Variants in NRG4 observed in about 807,000 individuals in gnomAD.
NRG4 encodes the protein neuregulin 4, also known as pro-neuregulin-4, membrane-bound isoform.
A neutral mutation model predicts 15.0 loss-of-function variants in NRG4; 10 were observed. The observed-to-expected ratio is 0.67, with a 90% CI of 0.41 to 1.13. The LOEUF is 1.13. NRG4 is among the 50% of genes most tolerant of loss of function. The pLI is 0.00. For missense variants in NRG4, 139 were observed against 140.2 expected (o/e 0.99, Z 0.04); for synonymous variants, 41 against 50.1 (o/e 0.82, Z 0.77).
At chr15:75,976,655 G>A (rs149195716) in intron 3 of NRG4, among the ~76,000 whole-genome samples, 2,870 of 152,270 alleles carry the variant, frequency 0.019, 106 homozygotes, top group African/African-American at 0.066. Flanking sequence ...TATCACCAGC[G>A]GAGGCTGCAG....
At chr15:76,027,131 T>C (rs1015011860) in intron 5 of NRG4, among the ~76,000 whole-genome samples, 4 of 151,314 alleles carry the variant, frequency 2.6e-5, no homozygotes, top group African/African-American at 9.7e-5. Flanking sequence ...AAAAATAAAA[T>C]AAAATAAAAT....
chr15:75,985,750 TTA>T (rs1296247248), intron 3 of NRG4, among the ~76,000 whole-genome samples: 1 of 152,056 alleles, frequency 6.6e-6, no homozygotes, highest in Non-Finnish European at 1.5e-5. Context: ...AAAAATCAAA[TTA>T]TAAGTCAACA....
In NRG4 at chr15:75,943,648, T is replaced by C. The variant is rs1166612837; in HGVS notation, c.338A>G (p.Glu113Gly). ...CACTTTGACGTTTCTTCAGTGTTGTTCATGACCTGTGAAAAATAAGTAAGA... is the reference window on the plus strand; with the variant it reads ...CACTTTGACGTTTCTTCAGTGTTGTCCATGACCTGTGAAAAATAAGTAAGA... ...TSSTSAHHSH[E>G]QH The change falls in exon 6 of 6, where the codon GAA (glutamate) becomes GGA (glycine). Residue 113 changes from glutamate (E) to glycine (G), a missense_variant. Transcript: ENST00000394907. 6.3e-7 allele frequency: 1 copy of C among 1,574,912 alleles called. No homozygotes were observed. Among genetic ancestry groups the C allele is most frequent in the Non-Finnish European group, 8.7e-7 (1 of 1,146,200 alleles).
chr15:75,989,546 T>TATGG (rs1009426676), intron 3 of NRG4, among the ~76,000 whole-genome samples: 3 of 152,222 alleles, frequency 2.0e-5, no homozygotes, highest in Non-Finnish European at 4.4e-5. Flanking sequence ...TTTTTATTGC[T>TATGG]ATGGCATTAA....
chr15:75,968,876 C>A (rs1280135358), intron 3 of NRG4, among the ~76,000 whole-genome samples: 1 of 152,104 alleles, frequency 6.6e-6, no homozygotes, highest in Non-Finnish European at 1.5e-5. Context: ...AGTATCTATA[C>A]ATAGAAATTG....
intron 5 of NRG4, among the ~76,000 whole-genome samples, chr15:76,023,585 C>G (rs2035224534): frequency 6.6e-6 from 1 of 152,172 alleles, no homozygotes; most frequent in Non-Finnish European, 1.5e-5. Flanking sequence ...CCCCAACCCC[C>G]ACCTATCCTG....
Position 75,942,271 on chromosome 15 carries a change from CAT to C in NRG4, c.*1365_*1366del, listed in dbSNP as rs1362450844. ...ATATATTGGTCAAAATCCATAAAGA[CAT>C]ACAACAAAAAGAGGACCCTTCATGT... On this transcript the variant is annotated 3_prime_UTR_variant, in exon 6 of 6. Transcript: ENST00000394907. 1 of 151,994 alleles carries C rather than the reference CAT, an allele frequency of 6.6e-6. No homozygotes were observed. Among genetic ancestry groups the C allele is most frequent in the Middle Eastern group, 3.2e-3 (1 of 316 alleles). The allele number at this position is 151,994 out of a possible 1,614,324, so 9.4% of individuals were successfully genotyped here.
chr15:76,040,314 T>C (rs1042799476), intron 4 of NRG4, among the ~76,000 whole-genome samples: 3 of 152,128 alleles, frequency 2.0e-5, no homozygotes, highest in Admixed American at 6.5e-5. Flanking sequence ...AATAGTATAA[T>C]GTATCCAGCA....
intron 5 of NRG4, among the ~76,000 whole-genome samples, chr15:76,029,358 T>A (rs911411409): frequency 6.6e-6 from 1 of 152,008 alleles, no homozygotes; most frequent in South Asian, 2.1e-4. Flanking sequence ...CCAGATGGAC[T>A]GGAAGAAGAC....
chr15:75,982,903 T>A lies in NRG4; in HGVS notation c.105-20929A>T, dbSNP rs73449065. On this transcript the variant is annotated intron_variant, in intron 3 of 5. Transcript: ENST00000394907. ...CTCAGAACAAATTTAAAACAGACCA[T>A]CTAAAAACAAAACATCTGAACAGAC... 8.8e-3 allele frequency among the ~76,000 whole-genome samples: 1,342 copies of A among 152,112 alleles called. 23 individuals are homozygous for A. The highest frequency in any genetic ancestry group is 0.031 in the African/African-American group (1,290 of 41,462).
intron 3 of NRG4, among the ~76,000 whole-genome samples, chr15:75,997,901 A>G (rs553657702): frequency 6.6e-6 from 1 of 152,300 alleles, no homozygotes; most frequent in African/African-American, 2.4e-5. Context: ...ACATAGACCC[A>G]GTCTAACTGT....
intron 5 of NRG4, among the ~76,000 whole-genome samples, chr15:76,018,132 G>C (rs1311807994): frequency 6.6e-6 from 1 of 151,958 alleles, no homozygotes; most frequent in Non-Finnish European, 1.5e-5. Flanking sequence ...ATTGATACTT[G>C]TGTATGCTTG....
chr15:76,041,575 G>A (rs2035740040), intron 4 of NRG4, among the ~76,000 whole-genome samples: 1 of 152,036 alleles, frequency 6.6e-6, no homozygotes, highest in South Asian at 2.1e-4. Flanking sequence ...AAACTTTTAA[G>A]AAGAGACAAA....
At chr15:75,964,862 T>C (rs967674694) in intron 3 of NRG4, among the ~76,000 whole-genome samples, 1 of 151,882 alleles carries the variant, frequency 6.6e-6, no homozygotes, top group Admixed American at 6.6e-5. Context: ...GGTCAAGGCA[T>C]AGTGAGCCCT....
chr15:76,012,108 C>T (rs1323605149), intron 1 of NRG4: 2 of 151,988 alleles, frequency 1.3e-5, no homozygotes, highest in African/African-American at 4.8e-5. Context: ...TCTACTAACA[C>T]AGTTGTAATA....
intron 4 of NRG4, among the ~76,000 whole-genome samples, chr15:76,039,908 C>T (rs182738218): frequency 4.1e-4 from 62 of 152,162 alleles, no homozygotes; most frequent in African/African-American, 1.4e-3. Context: ...GTGGCACACA[C>T]CTATGCTCTC....
At chr15:75,965,392 C>A (rs1479678133) in intron 3 of NRG4, among the ~76,000 whole-genome samples, 3 of 152,086 alleles carry the variant, frequency 2.0e-5, no homozygotes, top group African/African-American at 7.2e-5. Flanking sequence ...GTAAACCAAG[C>A]AACACTAGGT....
At chr15:75,973,274 G>A (rs762622406) in intron 3 of NRG4, among the ~76,000 whole-genome samples, 54 of 150,754 alleles carry the variant, frequency 3.6e-4, no homozygotes, top group Non-Finnish European at 7.4e-4. Flanking sequence ...ATTTGGGGCT[G>A]AGGGTTTTCT....
chr15:75,995,169 C>T (rs1358482376), intron 3 of NRG4, among the ~76,000 whole-genome samples: 1 of 151,056 alleles, frequency 6.6e-6, no homozygotes, highest in Non-Finnish European at 1.5e-5. Context: ...GTATGGGAGT[C>T]GTCTCACTCC....
Sources: allele counts gnomAD v4.1 joint callset (sites outside exome capture counted in the v4.1 genomes callset), GRCh38; gene constraint gnomAD v4.1.1; transcripts MANE v1.5; gene names NCBI Gene and HGNC (gene_info 2026-07-23, HGNC 2026-07-21).